Variants in WWOX observed in about 807,000 individuals in gnomAD.
The protein encoded by WWOX is WW domain-containing oxidoreductase.
Under a neutral mutation model 46.2 loss-of-function variants are expected in WWOX, and 69 were observed. The observed-to-expected ratio is 1.49, with a 90% CI of 1.23 to 1.82. WWOX has a LOEUF of 1.82. Ranked by LOEUF, WWOX falls within the 40% of genes most tolerant of loss-of-function variation. The probability of loss-of-function intolerance (pLI) is 0.00; values close to 1 mark genes in which losing one functional copy is unlikely to be tolerated. For synonymous variants in WWOX, 359 were observed against 202.6 expected (o/e 1.77, Z -6.56); for missense variants, 919 against 542.6 (o/e 1.69, Z -6.89).
chr16:78,582,507 T>C (rs1416114251), intron 8 of WWOX, among the ~76,000 whole-genome samples: 1 of 152,204 alleles, frequency 6.6e-6, no homozygotes, highest in Non-Finnish European at 1.5e-5. Context: ...ATGATGACAG[T>C]TTAAAAATTC....
chr16:79,073,428 A>G (rs1323051515), intron 8 of WWOX, among the ~76,000 whole-genome samples: 4 of 151,806 alleles, frequency 2.6e-5, no homozygotes, highest in Non-Finnish European at 5.9e-5. Context: ...GATCCACCCA[A>G]CTCGGCCTCC....
intron 8 of WWOX, among the ~76,000 whole-genome samples, chr16:79,036,697 C>T (rs925606159): frequency 6.6e-5 from 10 of 152,184 alleles, no homozygotes; most frequent in East Asian, 1.9e-4. Flanking sequence ...CTTGATTGAA[C>T]GAGTGCTGGG....
chr16:78,462,429 C>T (rs1039384119), intron 8 of WWOX, among the ~76,000 whole-genome samples: 5 of 152,182 alleles, frequency 3.3e-5, no homozygotes, highest in East Asian at 1.9e-4. Flanking sequence ...TAATTTGCAG[C>T]GCACTTGCCA....
chr16:79,160,807 A>G (rs75013262), intron 8 of WWOX, among the ~76,000 whole-genome samples: 5,090 of 152,278 alleles, frequency 0.033, 315 homozygotes, highest in African/African-American at 0.12. Context: ...ATATATGTAT[A>G]TGTTCTGTGT....
intron 8 of WWOX, among the ~76,000 whole-genome samples, chr16:78,843,273 C>T (rs78410737): frequency 0.023 from 3,396 of 150,118 alleles, 231 homozygotes; most frequent in Middle Eastern, 0.038. Flanking sequence ...CTAAAGAATG[C>T]GATTTTTCTA....
intron 8 of WWOX, among the ~76,000 whole-genome samples, chr16:78,991,069 G>A (rs953132143): frequency 6.6e-6 from 1 of 152,214 alleles, no homozygotes; most frequent in Non-Finnish European, 1.5e-5. Flanking sequence ...ACAAGTCAAA[G>A]CATGGCAGCC....
Position 78,515,405 on chromosome 16 carries a change from T to C in WWOX, c.1056+82653T>C, listed in dbSNP as rs77680802. On this transcript the variant is annotated intron_variant, in intron 8 of 8. Coordinates refer to ENST00000566780, the MANE Select transcript of WWOX (RefSeq NM_016373.4). ...AGTTACTTAACTAACACTTAAGGAA[T>C]TAAATGGCATATCTGTGTTTGAGAG... 9.9e-5 allele frequency among the ~76,000 whole-genome samples: 15 copies of C among 152,266 alleles called. No individual in the cohort carries two copies. The East Asian group carries it at 2.7e-3, about 27-fold the overall frequency.
At chr16:79,041,675 C>T (rs1179295907) in intron 8 of WWOX, among the ~76,000 whole-genome samples, 2 of 152,140 alleles carry the variant, frequency 1.3e-5, no homozygotes, top group East Asian at 3.9e-4. Context: ...AGACAGAAGC[C>T]ATCACTGCAA....
intron 5 of WWOX, among the ~76,000 whole-genome samples, chr16:78,384,701 C>A (rs749148190): frequency 2.6e-5 from 4 of 152,180 alleles, no homozygotes; most frequent in Non-Finnish European, 5.9e-5. Context: ...CCTCCTCGTT[C>A]CAAAATCTGC....
chr16:78,952,629 C>G (rs1473426267), intron 8 of WWOX, among the ~76,000 whole-genome samples: 1 of 152,128 alleles, frequency 6.6e-6, no homozygotes, highest in East Asian at 1.9e-4. Flanking sequence ...AGTGATCTGT[C>G]CACCTCTGCT....
intron 3 of WWOX, among the ~76,000 whole-genome samples, chr16:78,113,746 A>G (rs1324592885): frequency 1.3e-5 from 2 of 152,172 alleles, no homozygotes; most frequent in African/African-American, 4.8e-5. Flanking sequence ...TGGCTCTTGT[A>G]AGCCAGTTTG....
At chr16:78,615,270 T>G (rs1475608017) in intron 8 of WWOX, among the ~76,000 whole-genome samples, 2 of 152,202 alleles carry the variant, frequency 1.3e-5, no homozygotes, top group African/African-American at 4.8e-5. Context: ...TTTCAGGCTC[T>G]GCTACAGACG....
At chr16:78,657,217 A>G (rs2047101571) in intron 8 of WWOX, among the ~76,000 whole-genome samples, 1 of 151,716 alleles carries the variant, frequency 6.6e-6, no homozygotes, top group Non-Finnish European at 1.5e-5. Context: ...CATCATCTCC[A>G]CCATCACCCC....
intron 8 of WWOX, among the ~76,000 whole-genome samples, chr16:78,577,700 G>C (rs2044923021): frequency 1.3e-5 from 2 of 152,168 alleles, no homozygotes; most frequent in Admixed American, 6.5e-5. Flanking sequence ...CCAATTCATA[G>C]CTCTGGGAGA....
intron 8 of WWOX, among the ~76,000 whole-genome samples, chr16:78,703,693 C>G (rs1348159422): frequency 6.6e-6 from 1 of 151,802 alleles, no homozygotes. Flanking sequence ...AGATGGGTAA[C>G]TCGGAAATTT....
At chr16:78,449,254 G>C (rs560491766) in intron 8 of WWOX, among the ~76,000 whole-genome samples, 1 of 152,294 alleles carries the variant, frequency 6.6e-6, no homozygotes, top group East Asian at 1.9e-4. Context: ...GAAGGAAATA[G>C]AATCCATTGG....
Position 78,983,870 on chromosome 16 carries a change from CTT to C in WWOX, c.1057-227716_1057-227715del, listed in dbSNP as rs760130115. Reference sequence around the variant, plus strand: ...CAGTCCATCTGTTATGAGAGCTATTCTTTTTTTTTTTTTTTTTTTTTTTGTGA... The same window carrying C: ...CAGTCCATCTGTTATGAGAGCTATTCTTTTTTTTTTTTTTTTTTTTTGTGA... On this transcript the variant is annotated intron_variant, in intron 8 of 8. Transcript: ENST00000566780. Among the ~76,000 whole-genome samples, 37 of 79,864 alleles carry C rather than the reference CTT, an allele frequency of 4.6e-4. 1 individual carries two copies. The highest frequency in any genetic ancestry group is 1.7e-3 in the African/African-American group (35 of 20,604). 52.4% of individuals were successfully genotyped at this position (79,864 alleles called of 152,430 possible). A position where few individuals can be genotyped will look rare whatever the true frequency, so the allele number is the denominator to read the frequency against.
At chr16:78,364,527 A>C (rs1441236635) in intron 5 of WWOX, among the ~76,000 whole-genome samples, 2 of 151,794 alleles carry the variant, frequency 1.3e-5, no homozygotes, top group East Asian at 3.9e-4. Context: ...TCTCCCTGCA[A>C]CAAATAAATC....
intron 8 of WWOX, among the ~76,000 whole-genome samples, chr16:78,494,381 TA>T (rs1188147678): frequency 1.3e-5 from 2 of 152,098 alleles, no homozygotes; most frequent in East Asian, 1.9e-4. Flanking sequence ...CACTGGAAGG[TA>T]AAAAAGTTGG....
Sources: allele counts gnomAD v4.1 joint callset (sites outside exome capture counted in the v4.1 genomes callset), GRCh38; gene constraint gnomAD v4.1.1; transcripts MANE v1.5; gene names NCBI Gene and HGNC (gene_info 2026-07-23, HGNC 2026-07-21).